The following ECE1 variants were observed in gnomAD, a reference collection of about 807,000 sequenced individuals.
ECE1 encodes the protein endothelin-converting enzyme 1.
ECE1 carries 35 observed loss-of-function variants against 98.6 expected under a neutral mutation model. That is an observed-to-expected ratio of 0.35 (90% CI 0.27 to 0.47). ECE1 has a LOEUF of 0.47. ECE1 is among the 20% of genes least tolerant of loss of function. The probability of loss-of-function intolerance (pLI) is 1.00; values close to 1 mark genes in which losing one functional copy is unlikely to be tolerated. For synonymous variants in ECE1, 394 were observed against 407.1 expected, an observed-to-expected ratio of 0.97 and a Z score of 0.39; for missense variants, 814 against 1,025.3, an observed-to-expected ratio of 0.79 and a Z score of 2.81.
Position 21,233,718 on chromosome 1 carries a change from A to C in ECE1, c.1567-57T>G, listed in dbSNP as rs1469052368. The C allele has an allele frequency of 6.5e-7, 1 of 1,527,842 alleles. No homozygotes were observed. Among genetic ancestry groups the C allele is most frequent in the East Asian group, 2.3e-5 (1 of 44,216 alleles). The allele number at this position is 1,527,842 out of a possible 1,614,324, so 94.6% of individuals were successfully genotyped here. On this transcript the variant is annotated intron_variant, in intron 13 of 18. Transcript: ENST00000374893. This position sits in a 1 kb window ranked among gnomAD's most constrained non-coding sequence, Gnocchi z 4.0. ...GTGCCCTCGGTGGTGTGCATCTTCC[A>C]AGACAGGAAGCCAAGGGCTGTCATG...
rs2098222884 is a variant in ECE1, at chr1:21,258,600, G to C, written c.762+93C>G. On this transcript the variant is annotated intron_variant, in intron 6 of 18. Transcript: ENST00000374893. This position sits in a 1 kb window ranked among gnomAD's most constrained non-coding sequence, Gnocchi z 4.2. The stretch of plus-strand genomic sequence containing the variant: ...CTAGAAGACCGCCGTCCCACCCAGG[G>C]CAAGCCCCTCTCCCACCCCAGGTCC... 211 of 1,366,706 alleles carry C rather than the reference G, an allele frequency of 1.5e-4. No homozygotes were observed. Among genetic ancestry groups the C allele is most frequent in the Non-Finnish European group, 2.0e-4 (193 of 985,868 alleles). The allele number at this position is 1,366,706 out of a possible 1,614,324, so 84.7% of individuals were successfully genotyped here. A position where few individuals can be genotyped will look rare whatever the true frequency, so the allele number is the denominator to read the frequency against.
chr1:21,322,149 C>G lies in ECE1; in HGVS notation c.3+23227G>C, dbSNP rs1638978558. Among the ~76,000 whole-genome samples the G allele has an allele frequency of 1.3e-5, 2 of 152,152 alleles. No homozygotes were observed. Among genetic ancestry groups the G allele is most frequent in the Admixed American group, 1.3e-4 (2 of 15,274 alleles). Reference sequence around the variant, plus strand: ...GAGCTGGAACAACTTCTGAAGTCAGCATTATATGCCCCTTTTACAGATGAA... The same window carrying G: ...GAGCTGGAACAACTTCTGAAGTCAGGATTATATGCCCCTTTTACAGATGAA... On this transcript the variant is annotated intron_variant, in intron 1 of 18. Transcript: ENST00000415912. The surrounding 1 kb of genome is among the most constrained non-coding windows in gnomAD (Gnocchi z 4.1).
In ECE1 at chr1:21,340,920, G is replaced by C. The variant is rs1181123507; in HGVS notation, c.3+4456C>G. On this transcript the variant is annotated intron_variant, in intron 1 of 18. Coordinates refer to the ECE1 transcript ENST00000415912. This position sits in a 1 kb window ranked among gnomAD's most constrained non-coding sequence, Gnocchi z 4.6. ...GGATTGAGCCCCAGGTCCTTCATAT[G>C]ACCATCCCTGAGTGCACCCTCCGGG... Among the ~76,000 whole-genome samples the C allele has an allele frequency of 8.7e-6, 1 of 115,170 alleles. No individual in the cohort carries two copies. Among genetic ancestry groups the C allele is most frequent in the African/African-American group, 4.4e-5 (1 of 22,740 alleles). The allele number at this position is 115,170 out of a possible 152,430, so 75.6% of individuals were successfully genotyped here. A position where few individuals can be genotyped will look rare whatever the true frequency, so the allele number is the denominator to read the frequency against.
At chr1:21,234,042 C>G (rs539950000) in intron 13 of ECE1, among the ~76,000 whole-genome samples, 4 of 152,106 alleles carry the variant, frequency 2.6e-5, no homozygotes, top group African/African-American at 9.6e-5. Context: ...GGCTGGAGTG[C>G]AATGGCACGA....
At position 21,238,971 on chromosome 1, in the gene ECE1, T is replaced by C. The variant is rs570402900; in HGVS notation, c.1279-727A>G. On this transcript the variant is annotated intron_variant, in intron 10 of 18. Coordinates refer to ENST00000374893, the MANE Select transcript of ECE1 (RefSeq NM_001397.3). Reference sequence around the variant, plus strand: ...CTGGGACAACAGGTGCAGGCCACTATGCCTGGCTAATTTTTTCTATTTAAA... The same window carrying C: ...CTGGGACAACAGGTGCAGGCCACTACGCCTGGCTAATTTTTTCTATTTAAA... Among the ~76,000 whole-genome samples, 32 of 152,054 alleles carry C rather than the reference T, an allele frequency of 2.1e-4. 1 individual carries two copies. The South Asian group carries it at 5.6e-3, about 27-fold the overall frequency.
At chr1:21,254,400 A>G (rs2098217258) in intron 8 of ECE1, among the ~76,000 whole-genome samples, 2 of 152,050 alleles carry the variant, frequency 1.3e-5, no homozygotes, top group African/African-American at 4.8e-5. Flanking sequence ...CTTGTGTACT[A>G]CAAGCTGCTG....
chr1:21,242,260 T>C (rs1395709801), intron 10 of ECE1, among the ~76,000 whole-genome samples: 1 of 152,126 alleles, frequency 6.6e-6, no homozygotes, highest in South Asian at 2.1e-4. Context: ...CAAACTTGGA[T>C]CTTCTGACTC....
At chr1:21,315,207 A>G (rs1450152022) in intron 1 of ECE1, among the ~76,000 whole-genome samples, 1 of 152,212 alleles carries the variant, frequency 6.6e-6, no homozygotes, top group Admixed American at 6.5e-5. Flanking sequence ...CACACAGCTA[A>G]TAAGTGGCAG....
intron 10 of ECE1, among the ~76,000 whole-genome samples, chr1:21,241,283 G>A (rs212506): frequency 0.012 from 1,765 of 152,168 alleles, 28 homozygotes; most frequent in African/African-American, 0.04. Context: ...TGATCTGCCC[G>A]CCTCAGCCTC....
chr1:21,290,017 G>A lies in ECE1; in HGVS notation c.138+53C>T, dbSNP rs1300140392. ...GCGGGGGGCGCGGCAGCGGCAGCGC[G>A]CATGCCCGGGCCCGGGGCGCCTGGA... On this transcript the variant is annotated intron_variant, in intron 2 of 18. Transcript: ENST00000374893. This position sits in a 1 kb window ranked among gnomAD's most constrained non-coding sequence, Gnocchi z 7.3. 2 of 1,230,502 alleles carry A rather than the reference G, an allele frequency of 1.6e-6. No homozygotes were observed. The highest frequency in any genetic ancestry group is 1.0e-6 in the Non-Finnish European group (1 of 972,938). The allele number at this position is 1,230,502 out of a possible 1,614,324, so 76.2% of individuals were successfully genotyped here.
intron 4 of ECE1, among the ~76,000 whole-genome samples, chr1:21,269,812 T>C (rs147109587): frequency 1.3e-5 from 2 of 152,322 alleles, no homozygotes; most frequent in African/African-American, 4.8e-5. Flanking sequence ...ACACGAGTGA[T>C]AAGCAGCTAG....
intron 4 of ECE1, among the ~76,000 whole-genome samples, chr1:21,272,001 C>T (rs1433041933): frequency 6.6e-6 from 1 of 151,986 alleles, no homozygotes; most frequent in South Asian, 2.1e-4. Flanking sequence ...TCAAAACTCA[C>T]AGTCAATACT....
chr1:21,330,133 CTTTTTTTTT>C (rs397860522), intron 1 of ECE1, among the ~76,000 whole-genome samples: 3 of 86,492 alleles, frequency 3.5e-5, no homozygotes, highest in African/African-American at 1.8e-4. Flanking sequence ...TCACTAAATA[CTTTTTTTTT>C]TTTTTTTTTT....
chr1:21,318,723 C>T (rs1397757110), intron 1 of ECE1, among the ~76,000 whole-genome samples: 1 of 152,110 alleles, frequency 6.6e-6, no homozygotes, highest in African/African-American at 2.4e-5. Flanking sequence ...GTTGGTCACA[C>T]CAGCCTTCCA....
chr1:21,229,712 T>C (rs1039919004), intron 14 of ECE1, among the ~76,000 whole-genome samples: 1 of 152,188 alleles, frequency 6.6e-6, no homozygotes, highest in Non-Finnish European at 1.5e-5. Context: ...AATGTGGATT[T>C]TTTTGCTATT....
At chr1:21,257,786 C>CA (rs555776063) in intron 6 of ECE1, among the ~76,000 whole-genome samples, 196 bp from the exon 7 acceptor site, 2 of 90,150 alleles carry the variant, frequency 2.2e-5, no homozygotes, top group Non-Finnish European at 3.2e-5. Flanking sequence ...GTCCACGTGG[C>CA]CCCCCCCCGC....
chr1:21,286,190 T>C (rs764294573), intron 2 of ECE1, among the ~76,000 whole-genome samples: 39 of 152,196 alleles, frequency 2.6e-4, no homozygotes, highest in Admixed American at 1.4e-3. Flanking sequence ...GCTGCAGGTG[T>C]AACTTCAGCT....
In ECE1 at chr1:21,227,914, C is replaced by A. The variant is rs910028906; in HGVS notation, c.1781+17G>T. 12 of 1,547,486 alleles carry A rather than the reference C, an allele frequency of 7.8e-6. No homozygotes were observed. The African/African-American group carries it at 1.4e-4, about 18-fold the overall frequency. The stretch of plus-strand genomic sequence containing the variant: ...TGGGGGAAAAGAATTGGGGTAGGGG[C>A]CCCAGAGGCAGCCTACTTGGGTGAG... On this transcript the variant is annotated intron_variant, in intron 15 of 18. Transcript: ENST00000374893.
chr1:21,336,471 G>A (rs375512977), intron 1 of ECE1, among the ~76,000 whole-genome samples: 6 of 152,338 alleles, frequency 3.9e-5, no homozygotes, highest in African/African-American at 1.2e-4. Context: ...GAGGTGGGCA[G>A]ATCACCTGAG....
Sources: gnomAD v4.1 joint callset for allele counts (sites outside exome capture counted in the v4.1 genomes callset) on GRCh38, gnomAD v4.1.1 for gene constraint, Gnocchi (gnomAD v3.1) non-coding constraint, MANE v1.5 for transcripts, NCBI Gene and HGNC (gene_info 2026-07-23, HGNC 2026-07-21) for gene names.